The following CNTNAP2 variants were observed in gnomAD, a reference collection of about 807,000 sequenced individuals.
CNTNAP2 encodes the protein contactin-associated protein-like 2.
A neutral mutation model predicts 155.2 loss-of-function variants in CNTNAP2; 98 were observed. The observed-to-expected ratio is 0.63, with a 90% CI of 0.54 to 0.75. The LOEUF (loss-of-function observed/expected upper bound fraction) is 0.75. Ranked by LOEUF, CNTNAP2 falls within the 30% of genes least tolerant of loss-of-function variation. CNTNAP2 has a pLI of 0.00. For synonymous variants in CNTNAP2, 651 were observed against 631.2 expected (o/e 1.03, Z -0.47); for missense variants, 1,727 against 1,688.1 (o/e 1.02, Z -0.40).
chr7:148,017,345 AT>A (rs1802197690), intron 15 of CNTNAP2, among the ~76,000 whole-genome samples: 1 of 152,242 alleles, frequency 6.6e-6, no homozygotes, highest in African/African-American at 2.4e-5. Context: ...TTTAGTAAAC[AT>A]TTCAAAGTGA....
intron 1 of CNTNAP2, among the ~76,000 whole-genome samples, chr7:146,459,836 G>T (rs979141597): frequency 2.6e-5 from 4 of 152,112 alleles, no homozygotes; most frequent in African/African-American, 9.7e-5. Flanking sequence ...CTGGCATGGG[G>T]GTACATGCCT....
In CNTNAP2 at chr7:147,410,086, G is replaced by C. The variant is rs374630553; in HGVS notation, c.1670+14306G>C. On this transcript the variant is annotated intron_variant, in intron 10 of 23. Coordinates refer to ENST00000361727, the MANE Select transcript of CNTNAP2 (RefSeq NM_014141.6). ...CCAAAGAATATAAATCATTCTATTA[G>C]AAAGACAATCCATGCAGACATTCAT... Among the ~76,000 whole-genome samples, 19 of 152,102 alleles carry C rather than the reference G, an allele frequency of 1.2e-4. No individual in the cohort carries two copies. The East Asian group carries it at 1.5e-3, about 12-fold the overall frequency.
chr7:146,570,220 T>A (rs1025378453), intron 1 of CNTNAP2, among the ~76,000 whole-genome samples: 4 of 152,130 alleles, frequency 2.6e-5, no homozygotes, highest in African/African-American at 9.7e-5. Context: ...CCCATTTTTT[T>A]TTTTCTCTTT....
intron 15 of CNTNAP2, among the ~76,000 whole-genome samples, chr7:148,011,766 G>T (rs1261850328): frequency 1.3e-5 from 2 of 152,170 alleles, no homozygotes; most frequent in Non-Finnish European, 1.5e-5. Context: ...CCTCTGTGAG[G>T]GCAGGCCTGT....
At chr7:147,484,876 T>A (rs757837006) in intron 10 of CNTNAP2, among the ~76,000 whole-genome samples, 6 of 152,204 alleles carry the variant, frequency 3.9e-5, no homozygotes, top group Non-Finnish European at 8.8e-5. Context: ...AGTTTTCCTG[T>A]TTTTGAGAGT....
intron 2 of CNTNAP2, among the ~76,000 whole-genome samples, chr7:146,781,215 G>A (rs1397322385): frequency 1.4e-5 from 2 of 141,848 alleles, no homozygotes; most frequent in Non-Finnish European, 3.0e-5. Context: ...GTGACAGAGC[G>A]AGACTCCATC....
chr7:146,539,371 A>C (rs1797917338), intron 1 of CNTNAP2, among the ~76,000 whole-genome samples: 1 of 152,010 alleles, frequency 6.6e-6, no homozygotes, highest in Non-Finnish European at 1.5e-5. Flanking sequence ...AGACTCATAA[A>C]ATATTTTGGA....
chr7:146,552,509 C>T (rs552496757), intron 1 of CNTNAP2, among the ~76,000 whole-genome samples: 2 of 152,278 alleles, frequency 1.3e-5, no homozygotes, highest in African/African-American at 4.8e-5. Context: ...TATTACGGCA[C>T]ACCTTTAAAT....
At chr7:147,719,372 G>T (rs1460121602) in intron 13 of CNTNAP2, among the ~76,000 whole-genome samples, 2 of 152,170 alleles carry the variant, frequency 1.3e-5, no homozygotes, top group Admixed American at 6.5e-5. Flanking sequence ...ACAAATTAAA[G>T]GGAATCCTGC....
chr7:147,820,897 A>G (rs1192321513), intron 13 of CNTNAP2, among the ~76,000 whole-genome samples: 2 of 152,106 alleles, frequency 1.3e-5, no homozygotes, highest in Non-Finnish European at 2.9e-5. Context: ...GTGTTACAGT[A>G]CCTTCATTTC....
intron 1 of CNTNAP2, among the ~76,000 whole-genome samples, chr7:146,673,613 CTG>C (rs1459871741): frequency 6.6e-6 from 1 of 152,192 alleles, no homozygotes; most frequent in African/African-American, 2.4e-5. Context: ...CCTGTTCAAA[CTG>C]TGTTTGAATA....
At chr7:147,583,088 G>A (rs898535497) in intron 12 of CNTNAP2, among the ~76,000 whole-genome samples, 2 of 152,082 alleles carry the variant, frequency 1.3e-5, no homozygotes, top group Admixed American at 6.6e-5. Flanking sequence ...AAAACCAAGA[G>A]GTGGTGAAAG....
intron 1 of CNTNAP2, among the ~76,000 whole-genome samples, chr7:146,352,035 A>C (rs1005522130): frequency 6.6e-6 from 1 of 152,232 alleles, no homozygotes; most frequent in Non-Finnish European, 1.5e-5. Context: ...AGGGTTAAGT[A>C]CATTTTCAAG....
chr7:147,023,712 C>A (rs545733616), intron 3 of CNTNAP2, among the ~76,000 whole-genome samples: 1 of 152,204 alleles, frequency 6.6e-6, no homozygotes, highest in Non-Finnish European at 1.5e-5. Flanking sequence ...CTCCTGATGA[C>A]TTCTAGGCAT....
intron 11 of CNTNAP2, among the ~76,000 whole-genome samples, chr7:147,519,876 A>C (rs938193160): frequency 6.6e-6 from 1 of 152,234 alleles, no homozygotes; most frequent in Non-Finnish European, 1.5e-5. Flanking sequence ...AACAAAAAAG[A>C]ATAAATTCAT....
chr7:146,508,320 C>T (rs554645716), intron 1 of CNTNAP2, among the ~76,000 whole-genome samples: 59 of 152,134 alleles, frequency 3.9e-4, no homozygotes, highest in Non-Finnish European at 7.1e-4. Flanking sequence ...ATTCTCTGAC[C>T]GTGGCTTGTA....
At chr7:146,534,011 C>A (rs1797810449) in intron 1 of CNTNAP2, among the ~76,000 whole-genome samples, 1 of 151,808 alleles carries the variant, frequency 6.6e-6, no homozygotes, top group Admixed American at 6.6e-5. Context: ...GAAAATCAGG[C>A]CTAAAACAAA....
intron 13 of CNTNAP2, among the ~76,000 whole-genome samples, chr7:147,640,324 T>C (rs962403574): frequency 1.3e-5 from 2 of 152,138 alleles, no homozygotes; most frequent in African/African-American, 2.4e-5. Flanking sequence ...TGTTATACAA[T>C]AGACCTTTTG....
intron 21 of CNTNAP2, among the ~76,000 whole-genome samples, chr7:148,303,544 T>C (rs1238243535): frequency 6.6e-6 from 1 of 152,224 alleles, no homozygotes; most frequent in Admixed American, 6.5e-5. Context: ...TTCTGCTGAA[T>C]AAGGTCATAC....
Sources: allele counts gnomAD v4.1 joint callset (sites outside exome capture counted in the v4.1 genomes callset), GRCh38; gene constraint gnomAD v4.1.1; transcripts MANE v1.5; gene names NCBI Gene and HGNC (gene_info 2026-07-23, HGNC 2026-07-21).